ACTR3C: variants seen among roughly 807,000 people sequenced by gnomAD.
ACTR3C encodes the protein actin-related protein 3C.
In ACTR3C, 18 loss-of-function variants were observed where a neutral mutation model predicts 26.3. The ratio of observed to expected loss-of-function variants is 0.68; its 90% CI spans 0.47 to 1.01. The LOEUF (loss-of-function observed/expected upper bound fraction) is 1.01. Ranked by LOEUF, ACTR3C falls within the 50% of genes least tolerant of loss-of-function variation. The pLI is 0.00. For missense variants in ACTR3C, 184 were observed against 250.7 expected (o/e 0.73, Z 1.80); for synonymous variants, 55 against 94.5 (o/e 0.58, Z 2.42).
the ACTR3C span, among the ~76,000 whole-genome samples, chr7:150,039,131 C>G: frequency 6.7e-6 from 1 of 149,456 alleles, no homozygotes; most frequent in Non-Finnish European, 1.5e-5. Context: ...TTAGGATCAA[C>G]GATCGGGGGT....
At chr7:150,199,737 A>AC in the ACTR3C span, among the ~76,000 whole-genome samples, 27 of 142,708 alleles carry the variant, frequency 1.9e-4, no homozygotes, top group East Asian at 7.9e-4. Context: ...AAAAAAAAAA[A>AC]AAAAAAAAAA....
chr7:150,316,239 T>A (rs919380172), intron 1 of ACTR3C, among the ~76,000 whole-genome samples: 2 of 152,202 alleles, frequency 1.3e-5, no homozygotes, highest in African/African-American at 4.8e-5. Flanking sequence ...TAATATTCCA[T>A]CATGTGGATG....
the ACTR3C span, among the ~76,000 whole-genome samples, chr7:149,957,610 C>A: frequency 1.3e-5 from 2 of 152,226 alleles, no homozygotes; most frequent in Non-Finnish European, 2.9e-5. Flanking sequence ...TGGCCTTGGA[C>A]TGAAAGTTAC....
the ACTR3C span, among the ~76,000 whole-genome samples, chr7:150,042,102 G>T: frequency 1.1e-4 from 10 of 89,850 alleles, no homozygotes; most frequent in South Asian, 1.5e-3. Context: ...CTCGCGGGGG[G>T]TGCCTCCCCC....
the ACTR3C span, among the ~76,000 whole-genome samples, chr7:150,164,613 G>A: frequency 6.6e-6 from 1 of 151,922 alleles, no homozygotes; most frequent in Admixed American, 6.6e-5. Context: ...AAATTCGAGT[G>A]CATTTTACAA....
At chr7:149,921,995 A>G in the ACTR3C span, among the ~76,000 whole-genome samples, 4 of 150,502 alleles carry the variant, frequency 2.7e-5, no homozygotes, top group Non-Finnish European at 5.9e-5. Flanking sequence ...GCGTAGTCCC[A>G]TGATGGGTCC....
At chr7:150,155,872 A>G in the ACTR3C span, among the ~76,000 whole-genome samples, 2 of 149,462 alleles carry the variant, frequency 1.3e-5, no homozygotes, top group Non-Finnish European at 3.0e-5. Context: ...TTGGTTCTCT[A>G]ATGCAGGGAA....
the ACTR3C span, among the ~76,000 whole-genome samples, chr7:149,945,362 C>T: frequency 2.7e-5 from 4 of 148,904 alleles, no homozygotes; most frequent in African/African-American, 9.8e-5. Context: ...CAAGAGCCGT[C>T]ACTGCTACTG....
the ACTR3C span, among the ~76,000 whole-genome samples, chr7:150,043,566 G>A: frequency 6.6e-6 from 1 of 152,210 alleles, no homozygotes; most frequent in Non-Finnish European, 1.5e-5. Context: ...TCAGTACCTG[G>A]CCTCATGGCT....
the ACTR3C span, among the ~76,000 whole-genome samples, chr7:150,150,733 T>C: frequency 7.2e-6 from 1 of 138,996 alleles, no homozygotes; most frequent in Non-Finnish European, 1.6e-5. Flanking sequence ...GATTTAATTA[T>C]ATCTGCTTTG....
At chr7:150,103,382 C>G in the ACTR3C span, among the ~76,000 whole-genome samples, 785 of 152,134 alleles carry the variant, frequency 5.2e-3, 12 homozygotes, top group South Asian at 0.031. Flanking sequence ...AAAGTTTGAG[C>G]TCTTCTGAGC....
chr7:149,993,879 G>A, the ACTR3C span, among the ~76,000 whole-genome samples: 3 of 152,290 alleles, frequency 2.0e-5, no homozygotes, highest in South Asian at 2.1e-4. Context: ...CTCAAAATCC[G>A]ATCGCATGTT....
At chr7:150,198,686 G>A in the ACTR3C span, among the ~76,000 whole-genome samples, 22 of 136,682 alleles carry the variant, frequency 1.6e-4, no homozygotes, top group African/African-American at 5.2e-4. Context: ...CTCTCCGCCC[G>A]GCAGCCACCC....
At chr7:149,974,253 T>C in the ACTR3C span, among the ~76,000 whole-genome samples, 1 of 140,908 alleles carries the variant, frequency 7.1e-6, no homozygotes, top group Admixed American at 7.1e-5. Context: ...TTATGACTTC[T>C]ATTACCCACA....
the ACTR3C span, among the ~76,000 whole-genome samples, chr7:150,149,062 T>C: frequency 7.1e-6 from 1 of 140,690 alleles, no homozygotes; most frequent in African/African-American, 2.6e-5. Context: ...ACTCTCTTGG[T>C]TACGAATAAA....
the ACTR3C span, among the ~76,000 whole-genome samples, chr7:150,095,778 G>A: frequency 6.6e-6 from 1 of 150,532 alleles, no homozygotes; most frequent in Non-Finnish European, 1.5e-5. Context: ...TGTACAGACA[G>A]CATATATTAG....
chr7:150,009,350 G>A, the ACTR3C span, among the ~76,000 whole-genome samples: 16 of 152,210 alleles, frequency 1.1e-4, no homozygotes, highest in African/African-American at 3.6e-4. Context: ...CAAGAACCAG[G>A]CTCTGCAGCA....
At chr7:150,154,427 T>C in the ACTR3C span, among the ~76,000 whole-genome samples, 1 of 151,904 alleles carries the variant, frequency 6.6e-6, no homozygotes, top group Non-Finnish European at 1.5e-5. Context: ...GTAGGCTGAT[T>C]ACATAGGGCG....
At chr7:149,922,970 C>CTGTTTTTTTTTTTTTT in the ACTR3C span, among the ~76,000 whole-genome samples, 1 of 69,146 alleles carries the variant, frequency 1.4e-5, no homozygotes, top group Admixed American at 2.6e-4. Context: ...AAATAAAAGG[C>CTGTTTTTTTTTTTTTT]TTTTTTTTTT....
Sources: allele counts gnomAD v4.1 joint callset (sites outside exome capture counted in the v4.1 genomes callset), GRCh38; gene constraint gnomAD v4.1.1; transcripts MANE v1.5; gene names NCBI Gene and HGNC (gene_info 2026-07-23, HGNC 2026-07-21).